Variants in ADAMTS16 observed in about 807,000 individuals in gnomAD.
ADAMTS16 encodes A disintegrin and metalloproteinase with thrombospondin motifs 16.
In ADAMTS16, 94 loss-of-function variants were observed where a neutral mutation model predicts 145.8. The ratio of observed to expected loss-of-function variants is 0.64; its 90% confidence interval spans 0.55 to 0.77. The LOEUF is 0.77. Ranked by LOEUF, ADAMTS16 falls within the 30% of genes least tolerant of loss-of-function variation. ADAMTS16 has a pLI of 0.00. For missense variants in ADAMTS16, 1,585 were observed against 1,591.5 expected, an observed-to-expected ratio of 1.00 and a Z score of 0.07; for synonymous variants, 659 against 604.3, an observed-to-expected ratio of 1.09 and a Z score of -1.33.
chr5:5,248,354 A>C (rs1369260862), intron 17 of ADAMTS16, among the ~76,000 whole-genome samples: 1 of 152,218 alleles, frequency 6.6e-6, no homozygotes, highest in Non-Finnish European at 1.5e-5. Flanking sequence ...GTTTCTGAAA[A>C]AAGATGAAAG....
chr5:5,185,826 T>C lies in ADAMTS16; in HGVS notation c.764-226T>C, dbSNP rs558687776. ...TGTTTTAAATTAGGATGAAATTATA[T>C]AAAGGGAAATACAGCCATGATTTCC... On this transcript the variant is annotated intron_variant, in intron 4 of 22. Transcript: ENST00000274181. Among the ~76,000 whole-genome samples the C allele has an allele frequency of 2.0e-5, 3 of 152,328 alleles. No homozygotes were observed. The South Asian group carries it at 6.2e-4, about 32-fold the overall frequency.
chr5:5,173,365 C>T lies in ADAMTS16; in HGVS notation c.502-8679C>T, dbSNP rs182733265. On this transcript the variant is annotated intron_variant, in intron 3 of 22. Transcript: ENST00000274181. The stretch of plus-strand genomic sequence containing the variant: ...TCTTCCTTTTAGTGAAGGTTATTTT[C>T]TCTGTGGTATGTTTGAATTTCTTGC... 2.2e-3 allele frequency among the ~76,000 whole-genome samples: 332 copies of T among 147,602 alleles called. 2 individuals carry two copies. The highest frequency in any genetic ancestry group is 2.5e-3 in the Non-Finnish European group (169 of 66,488).
Position 5,214,992 on chromosome 5 carries a change from C to T in ADAMTS16, c.1605+5746C>T, listed in dbSNP as rs531198644. On this transcript the variant is annotated intron_variant, in intron 10 of 22. Transcript: ENST00000274181. ...CAATAAGAAGCAAATGGCCCAGTGC[C>T]CAGACCAGCCCTGGGCACAGTAGAG... 2.6e-4 allele frequency among the ~76,000 whole-genome samples: 39 copies of T among 152,140 alleles called. 1 individual carries two copies. In the South Asian group the frequency reaches 7.9e-3, roughly 31 times the overall value.
At chr5:5,261,964 C>A (rs1049096720) in intron 17 of ADAMTS16, among the ~76,000 whole-genome samples, 3 of 152,202 alleles carry the variant, frequency 2.0e-5, no homozygotes, top group African/African-American at 7.2e-5. Context: ...CATCATTCTA[C>A]TTTCTATCTC....
chr5:5,249,006 T>C (rs187117438), intron 17 of ADAMTS16, among the ~76,000 whole-genome samples: 105 of 152,324 alleles, frequency 6.9e-4, no homozygotes, highest in African/African-American at 2.4e-3. Context: ...TTGGCTTACA[T>C]AATTCACTGA....
chr5:5,313,824 T>C (rs763915448), intron 21 of ADAMTS16, among the ~76,000 whole-genome samples: 6 of 152,236 alleles, frequency 3.9e-5, no homozygotes, highest in Non-Finnish European at 8.8e-5. Flanking sequence ...TCTCAACCGA[T>C]GAGGCTGGGT....
intron 12 of ADAMTS16, among the ~76,000 whole-genome samples, chr5:5,234,218 C>T (rs1218820323): frequency 6.6e-6 from 1 of 152,216 alleles, no homozygotes; most frequent in Non-Finnish European, 1.5e-5. Context: ...GCTGTCAGTG[C>T]CAACCAGCAA....
chr5:5,148,354 G>A (rs1235065688), intron 3 of ADAMTS16, among the ~76,000 whole-genome samples: 4 of 152,176 alleles, frequency 2.6e-5, no homozygotes, highest in African/African-American at 7.2e-5. Flanking sequence ...GAGCCCAGGG[G>A]CGATCACTTT....
chr5:5,183,520 C>T (rs1735401696), intron 4 of ADAMTS16, among the ~76,000 whole-genome samples: 1 of 152,198 alleles, frequency 6.6e-6, no homozygotes, highest in African/African-American at 2.4e-5. Flanking sequence ...TGGATCTCAG[C>T]AGGAGAGATA....
chr5:5,203,682 G>A (rs1560947323), intron 9 of ADAMTS16, among the ~76,000 whole-genome samples: 2 of 152,142 alleles, frequency 1.3e-5, no homozygotes, highest in Non-Finnish European at 2.9e-5. Flanking sequence ...GCATCCAGGA[G>A]GCCTGTGACT....
Position 5,268,575 on chromosome 5 carries a change from T to C in ADAMTS16, c.2789+5792T>C, listed in dbSNP as rs142240412. On this transcript the variant is annotated intron_variant, in intron 18 of 22. Transcript: ENST00000274181. ...GGTCTCTCACGCCTGCCATCAACAA[T>C]AACTGCCCAGAGGTATCCCTCAAGG... is the stretch of plus-strand genomic sequence containing the variant. Among the ~76,000 whole-genome samples the C allele has an allele frequency of 1.3e-3, 201 of 152,280 alleles. 1 individual carries two copies. The highest frequency in any genetic ancestry group is 4.3e-3 in the African/African-American group (180 of 41,564).
chr5:5,240,489 A>AG lies in ADAMTS16; in HGVS notation c.2523+564_2523+565insG, dbSNP rs1737255297. Among the ~76,000 whole-genome samples the AG allele has an allele frequency of 2.0e-5, 3 of 152,296 alleles. No homozygotes were observed. In the South Asian group the frequency reaches 6.2e-4, roughly 32 times the overall value. ...CAAAATATAGTCAGATTCTGACAAC[A>AG]CCATCCTCGCATGCGACTGTGCAGA... On this transcript the variant is annotated intron_variant, in intron 16 of 22. Coordinates refer to ENST00000274181, the MANE Select transcript of ADAMTS16 (RefSeq NM_139056.4).
At chr5:5,143,549 A>G (rs544704245) in intron 2 of ADAMTS16, among the ~76,000 whole-genome samples, 1 of 152,200 alleles carries the variant, frequency 6.6e-6, no homozygotes, top group Non-Finnish European at 1.5e-5. Context: ...AATTAGTTCA[A>G]CCATTGTGGA....
intron 6 of ADAMTS16, 63 bp from the exon 7 acceptor site, chr5:5,189,908 A>T (rs1366783939): frequency 5.7e-6 from 9 of 1,573,064 alleles, no homozygotes; most frequent in Non-Finnish European, 7.8e-6. Flanking sequence ...CTGTGATGAC[A>T]ATGCATTATA....
intron 18 of ADAMTS16, among the ~76,000 whole-genome samples, chr5:5,282,622 A>C (rs901047962): frequency 6.6e-6 from 1 of 152,140 alleles, no homozygotes; most frequent in Admixed American, 6.5e-5. Context: ...GGGAAAGCCC[A>C]CCTCTCAACA....
At chr5:5,161,550 G>C (rs1312660233) in intron 3 of ADAMTS16, among the ~76,000 whole-genome samples, 2 of 152,184 alleles carry the variant, frequency 1.3e-5, no homozygotes. Flanking sequence ...ACGTAGATGT[G>C]TCAGAAGAGT....
chr5:5,284,121 C>T (rs569804475), intron 18 of ADAMTS16, among the ~76,000 whole-genome samples: 5 of 152,194 alleles, frequency 3.3e-5, no homozygotes, highest in Admixed American at 6.5e-5. Flanking sequence ...AGAAAACACA[C>T]CATATATTTC....
rs773854057 is a variant in ADAMTS16, at chr5:5,200,222, C to G, written c.1404C>G (p.Val468=). 2.5e-6 allele frequency: 4 copies of G among 1,614,104 alleles called. No homozygotes were observed. The highest frequency in any genetic ancestry group is 3.4e-6 in the Non-Finnish European group (4 of 1,179,996). Reference sequence around the variant, plus strand: ...CTACATTGGCAGGACGCAATGGAGTCTTCTCCTGGTCACCCTGCAGCCGCC... The same window carrying G: ...CTACATTGGCAGGACGCAATGGAGTGTTCTCCTGGTCACCCTGCAGCCGCC... ...MSPTLAGRNG[V]FSWSPCSRQY... The change falls in exon 9 of 23, where the codon GTC becomes GTG. Residue 468 remains valine (V), a synonymous_variant. Coordinates refer to ENST00000274181, the MANE Select transcript of ADAMTS16 (RefSeq NM_139056.4).
chr5:5,196,194 C>T (rs985226124), intron 8 of ADAMTS16, among the ~76,000 whole-genome samples: 8 of 148,130 alleles, frequency 5.4e-5, no homozygotes, highest in Middle Eastern at 3.5e-3. Flanking sequence ...GCCGAGATCA[C>T]GCCACCGCAC....
Sources: allele counts gnomAD v4.1 joint callset (sites outside exome capture counted in the v4.1 genomes callset), GRCh38; gene constraint gnomAD v4.1.1; transcripts MANE v1.5; gene names NCBI Gene and HGNC (gene_info 2026-07-23, HGNC 2026-07-21).